ABCC4: variants seen among roughly 807,000 people sequenced by gnomAD.
ABCC4 encodes the protein ATP binding cassette subfamily C member 4 (PEL blood group).
A neutral mutation model predicts 168.5 loss-of-function variants in ABCC4; 102 were observed. The ratio of observed to expected loss-of-function variants is 0.61; its 90% CI spans 0.52 to 0.71. ABCC4 has a LOEUF of 0.71. Among genes scored for constraint, ABCC4 ranks in the 30% least tolerant of loss-of-function variants. The pLI is 0.00. For missense variants in ABCC4, 1,402 were observed against 1,605.8 expected (o/e 0.87, Z 2.17); for synonymous variants, 617 against 590.7 (o/e 1.04, Z -0.65).
At chr13:95,092,475 G>C (rs566428873) in intron 20 of ABCC4, among the ~76,000 whole-genome samples, 147 of 152,200 alleles carry the variant, frequency 9.7e-4, no homozygotes, top group African/African-American at 3.3e-3. Flanking sequence ...TCCTGAATGA[G>C]CATTGGGTCA....
intron 9 of ABCC4, among the ~76,000 whole-genome samples, chr13:95,194,128 C>T (rs2038342637): frequency 6.6e-6 from 1 of 152,206 alleles, no homozygotes; most frequent in South Asian, 2.1e-4. Flanking sequence ...ATGCACCGAG[C>T]CTCAGTACTT....
chr13:95,197,059 C>T (rs1029325466), intron 8 of ABCC4, among the ~76,000 whole-genome samples: 13 of 152,128 alleles, frequency 8.5e-5, no homozygotes, highest in Non-Finnish European at 1.5e-4. Context: ...TGCTGGGAAC[C>T]AGCTCAGGGT....
intron 1 of ABCC4, among the ~76,000 whole-genome samples, chr13:95,262,013 AG>A (rs775048467): frequency 6.6e-6 from 1 of 152,080 alleles, no homozygotes; most frequent in Non-Finnish European, 1.5e-5. Flanking sequence ...CTGAGGTAGG[AG>A]GAATGCTTGA....
At chr13:95,029,245 GAGAGAGAGAA>G (rs1159748428) in intron 30 of ABCC4, among the ~76,000 whole-genome samples, 258 of 5,436 alleles carry the variant, frequency 0.047, 8 homozygotes, top group Non-Finnish European at 0.1. Context: ...GAGAGAGAGA[GAGAGAGAGAA>G]AGAGAGAGAG....
intron 21 of ABCC4, among the ~76,000 whole-genome samples, chr13:95,080,436 T>C (rs1487069895): frequency 2.0e-5 from 3 of 152,140 alleles, no homozygotes; most frequent in Non-Finnish European, 2.9e-5. Flanking sequence ...TCACTCTTGT[T>C]GCCCAGGCTG....
intron 30 of ABCC4, among the ~76,000 whole-genome samples, chr13:95,028,802 A>C (rs879613824): frequency 6.6e-6 from 1 of 151,668 alleles, no homozygotes; most frequent in Non-Finnish European, 1.5e-5. Flanking sequence ...AGCTAACTTA[A>C]TTGGAAGTTA....
intron 16 of ABCC4, among the ~76,000 whole-genome samples, 184 bp from the exon 17 acceptor site, chr13:95,163,831 C>T (rs1406474223): frequency 3.3e-5 from 5 of 151,858 alleles, no homozygotes; most frequent in Non-Finnish European, 5.9e-5. Context: ...GCCAGGAGTT[C>T]GAGACCAGCC....
At chr13:95,034,148 T>C (rs1436060107) in intron 30 of ABCC4, among the ~76,000 whole-genome samples, 3 of 152,052 alleles carry the variant, frequency 2.0e-5, no homozygotes, top group African/African-American at 7.3e-5. Flanking sequence ...TCTAGGTAGA[T>C]CATTCTAGAA....
intron 1 of ABCC4, among the ~76,000 whole-genome samples, chr13:95,249,464 C>T (rs984758856): frequency 1.3e-5 from 2 of 152,072 alleles, no homozygotes; most frequent in East Asian, 1.9e-4. Flanking sequence ...TTCAATGCCC[C>T]GTAAGATTGG....
rs780155718 is a variant in ABCC4 at position 95,062,836 on chromosome 13, T to C, written c.3234A>G (p.Gly1078=). Reference sequence around the variant, plus strand: ...CTGAGATGAGGGAACTTTTTCCAGCTCCGGTTCTTCCCACAATGCCAACCT... The same window carrying C: ...CTGAGATGAGGGAACTTTTTCCAGCCCCGGTTCTTCCCACAATGCCAACCT... ...QEKVGIVGRT[G]AGKSSLISAL... Residue 1078 remains glycine (G), a synonymous_variant, in exon 26 of 31, where the codon GGA becomes GGG. Coordinates refer to ENST00000645237, the MANE Select transcript of ABCC4 (RefSeq NM_005845.5). 4.3e-6 allele frequency: 7 copies of C among 1,612,486 alleles called. No homozygotes were observed. In the South Asian group the frequency reaches 6.6e-5, roughly 15 times the overall value.
At chr13:95,207,274 C>G (rs796435207) in intron 7 of ABCC4, among the ~76,000 whole-genome samples, 11 of 152,234 alleles carry the variant, frequency 7.2e-5, no homozygotes, top group African/African-American at 2.6e-4. Context: ...GTGATCCACC[C>G]GCCTCAGCCT....
intron 21 of ABCC4, among the ~76,000 whole-genome samples, chr13:95,077,744 C>T (rs942624144): frequency 6.6e-6 from 1 of 152,122 alleles, no homozygotes; most frequent in African/African-American, 2.4e-5. Flanking sequence ...AATTCTAACT[C>T]ATTTTCTGGG....
In ABCC4 at chr13:95,021,696, A is replaced by G; in HGVS notation, c.3871-14T>C. On this transcript the variant is annotated splice_polypyrimidine_tract_variant and intron_variant, in intron 30 of 30. Transcript: ENST00000645237. ...TTTGAAGTATACCTAGAAAAAAAAA[A>G]GGTAAGCATAAAAAGAATGTTTCAA... 2 of 1,534,936 alleles carry G rather than the reference A, an allele frequency of 1.3e-6. No individual in the cohort carries two copies. Among genetic ancestry groups the G allele is most frequent in the Non-Finnish European group, 1.8e-6 (2 of 1,115,628 alleles).
intron 15 of ABCC4, 123 bp from the exon 16 acceptor site, chr13:95,164,641 G>A (rs983370271): frequency 1.1e-6 from 1 of 938,954 alleles, no homozygotes; most frequent in Non-Finnish European, 1.6e-6. Context: ...TCCATCTCCT[G>A]TGGAGAAGGG....
chr13:95,162,345 C>G (rs986890184), intron 18 of ABCC4, among the ~76,000 whole-genome samples: 25 of 152,150 alleles, frequency 1.6e-4, no homozygotes, highest in African/African-American at 5.1e-4. Context: ...CTCACTCTAT[C>G]TCTGAGGAAA....
intron 30 of ABCC4, among the ~76,000 whole-genome samples, chr13:95,025,827 GA>G (rs1364821622): frequency 1.3e-5 from 2 of 152,098 alleles, no homozygotes; most frequent in African/African-American, 4.8e-5. Flanking sequence ...GCATAACAGA[GA>G]TACAAAAATA....
At chr13:95,125,483 G>T (rs1337509040) in intron 19 of ABCC4, among the ~76,000 whole-genome samples, 2 of 152,122 alleles carry the variant, frequency 1.3e-5, no homozygotes, top group Non-Finnish European at 2.9e-5. Context: ...TCCACCTCAG[G>T]ATTAAATTAC....
intron 21 of ABCC4, among the ~76,000 whole-genome samples, chr13:95,076,925 A>G (rs66502335): frequency 0.19 from 28,429 of 151,204 alleles, 2,815 homozygotes; most frequent in East Asian, 0.27. Flanking sequence ...GTGCCTGGAT[A>G]ATTTTTGAGT....
intron 1 of ABCC4, among the ~76,000 whole-genome samples, chr13:95,279,841 G>A (rs549175415): frequency 6.6e-6 from 1 of 152,254 alleles, no homozygotes; most frequent in East Asian, 1.9e-4. Flanking sequence ...TGGAGCCACA[G>A]GGCCCCCCAG....
Sources: gnomAD v4.1 joint callset for allele counts (sites outside exome capture counted in the v4.1 genomes callset) on GRCh38, gnomAD v4.1.1 for gene constraint, MANE v1.5 for transcripts, NCBI Gene and HGNC (gene_info 2026-07-23, HGNC 2026-07-21) for gene names.